The following GPR137 variants were observed in gnomAD, a reference collection of about 807,000 sequenced individuals.
The protein encoded by GPR137 is G protein-coupled receptor 137.
A neutral mutation model predicts 38.9 loss-of-function variants in GPR137; 20 were observed. The observed-to-expected ratio is 0.51, with a 90% confidence interval of 0.36 to 0.75. The LOEUF (loss-of-function observed/expected upper bound fraction) is 0.75. GPR137 is among the 30% of genes least tolerant of loss of function. GPR137 has a pLI of 0.00. For synonymous variants in GPR137, 226 were observed against 235.8 expected (o/e 0.96, Z 0.38); for missense variants, 456 against 526.4 (o/e 0.87, Z 1.31).
rs375006076 is a variant in GPR137, at chr11:64,286,719, C to T, written c.195C>T (p.Leu65=). Reference sequence around the variant, plus strand: ...GCTATCAGACGGTGTTCCTGGCCCTCTGTCTGCTCTGGGCCGCCTTGCGTA... The same window carrying T: ...GCTATCAGACGGTGTTCCTGGCCCTTTGTCTGCTCTGGGCCGCCTTGCGTA... The part of the protein sequence containing the change: ...RLSYQTVFLA[L]CLLWAALRTT... Residue 65 remains leucine (L), a synonymous_variant, in exon 1 of 7, where the codon CTC becomes CTT. Coordinates refer to ENST00000438980, the MANE Select transcript of GPR137 (RefSeq NM_001170880.2). 6 of 1,613,626 alleles carry T rather than the reference C, an allele frequency of 3.7e-6. No individual in the cohort carries two copies. In the African/African-American group the frequency reaches 8.0e-5, roughly 22 times the overall value.
chr11:64,284,196 C>T (rs1484846971), upstream of GPR137: 3 of 1,599,570 alleles, frequency 1.9e-6, no homozygotes. Flanking sequence ...ATGATGGCTG[C>T]TGCTGGTTGG....
exon 1 of GPR137, chr11:64,270,565 G>C: frequency 1.4e-6 from 1 of 717,498 alleles, no homozygotes; most frequent in Non-Finnish European, 2.5e-6. Flanking sequence ...GACGGGAAGA[G>C]AGGATGCCTA....
rs1008666262 is a variant in GPR137, at chr11:64,288,082, G to A, written c.651G>A (p.Gln217=). Residue 217 remains glutamine, a synonymous_variant, in exon 4 of 7, where the codon CAG becomes CAA. Coordinates refer to ENST00000438980, the MANE Select transcript of GPR137 (RefSeq NM_001170880.2). The surrounding 1 kb of genome is among the most constrained non-coding windows in gnomAD (Gnocchi z 5.5). The part of the protein sequence containing the change: ...YLEAKGTSVC[Q]AAAMGGAMVL... ...TGTGCCAGGGGACCAGTGTGTGCCAGGCGGCCGCGATGGGTGGCGCCATGG... is the reference window on the plus strand; with the variant it reads ...TGTGCCAGGGGACCAGTGTGTGCCAAGCGGCCGCGATGGGTGGCGCCATGG... 1.9e-6 allele frequency: 3 copies of A among 1,611,000 alleles called. No homozygotes were observed. The African/African-American group carries it at 4.0e-5, about 22-fold the overall frequency.
chr11:64,273,855 CAAAAAAAAA>C (rs34577596), upstream of GPR137, among the ~76,000 whole-genome samples: 30 of 54,820 alleles, frequency 5.5e-4, no homozygotes, highest in South Asian at 2.0e-3. Context: ...GCACCCATCT[CAAAAAAAAA>C]AAAAAAAAAA....
chr11:64,285,359 C>G (rs572592798), upstream of GPR137: 150 of 985,140 alleles, frequency 1.5e-4, no homozygotes, highest in Middle Eastern at 2.1e-3. Context: ...GGGGGCTTCA[C>G]GCCTGGCAGG....
upstream of GPR137, among the ~76,000 whole-genome samples, chr11:64,271,381 T>TCACACACA (rs58303026): frequency 1.5e-3 from 90 of 60,246 alleles, no homozygotes; most frequent in East Asian, 3.5e-3. Context: ...GCCCTGTGAC[T>TCACACACA]CACACACACA....
chr11:64,271,529 G>T (rs2032606029), upstream of GPR137: 1 of 1,300,840 alleles, frequency 7.7e-7, no homozygotes, highest in Non-Finnish European at 9.9e-7. Context: ...CCAGATCCGG[G>T]CGTGCCTTGG....
chr11:64,271,388 C>T (rs546521615), upstream of GPR137, among the ~76,000 whole-genome samples: 882 of 146,976 alleles, frequency 6.0e-3, 19 homozygotes, highest in Non-Finnish European at 0.01. Context: ...GACTCACACA[C>T]ACACACACAC....
At position 64,286,449 on chromosome 11, in the gene GPR137, C is replaced by T. The variant is rs2034069192; in HGVS notation, c.-76C>T. On this transcript the variant is annotated 5_prime_UTR_variant, in exon 1 of 7. Transcript: ENST00000438980. Reference sequence around the variant, plus strand: ...CTCTCTGCACCCTGCAATTCCCACCCCTCCGTATTTATTTCCCTGGTCCCG... The same window carrying T: ...CTCTCTGCACCCTGCAATTCCCACCTCTCCGTATTTATTTCCCTGGTCCCG... 2 of 1,543,294 alleles carry T rather than the reference C, an allele frequency of 1.3e-6. No homozygotes were observed. The highest frequency in any genetic ancestry group is 1.7e-6 in the Non-Finnish European group (2 of 1,144,964).
chr11:64,271,939 G>A (rs560132315), upstream of GPR137: 202 of 592,210 alleles, frequency 3.4e-4, no homozygotes, highest in African/African-American at 3.7e-3. Flanking sequence ...CCACCTCTCA[G>A]AGCCCCAGTC....
chr11:64,284,392 G>A (rs781006183), upstream of GPR137: 8 of 1,611,920 alleles, frequency 5.0e-6, no homozygotes, highest in African/African-American at 1.1e-4. Flanking sequence ...AGGACAAGAT[G>A]TTACGTAGTC....
In GPR137 at chr11:64,287,879, C is replaced by T. The variant is rs1025684359; in HGVS notation, c.566C>T (p.Ser189Phe). ...TCCCTGTTCGTCATCTGCGCGCTGT[C>T]TCTTGCTGCCTGCCTCTGCCTCGTC... is the stretch of plus-strand genomic sequence containing the variant. ...SDSLFVICAL[S>F]LAACLCLVAR... The change falls in exon 3 of 7, where the codon TCT (serine) becomes TTT (phenylalanine). Residue 189 changes from serine to phenylalanine, a missense_variant. Transcript: ENST00000438980. The T allele has an allele frequency of 6.2e-7, 1 of 1,603,890 alleles. No individual in the cohort carries two copies. The highest frequency in any genetic ancestry group is 1.1e-5 in the South Asian group (1 of 91,088).
upstream of GPR137, among the ~76,000 whole-genome samples, chr11:64,280,793 A>G (rs1265150193): frequency 6.7e-6 from 1 of 148,792 alleles, no homozygotes; most frequent in East Asian, 2.0e-4. Flanking sequence ...TCAGCCTCTC[A>G]GGTAGCTGGG....
At chr11:64,275,253 G>A (rs1456911283), upstream of GPR137, among the ~76,000 whole-genome samples, 1 of 151,990 alleles carries the variant, frequency 6.6e-6, no homozygotes, top group African/African-American at 2.4e-5. Flanking sequence ...CAGCACCTTG[G>A]GAGGCTGAAG....
chr11:64,276,703 G>C (rs1591154494), intron 2 of GPR137: 2 of 545,026 alleles, frequency 3.7e-6, no homozygotes, highest in East Asian at 6.3e-5. Flanking sequence ...CCTGGGGGAA[G>C]GAGAGGGCTG....
upstream of GPR137, chr11:64,284,857 C>A: frequency 6.7e-7 from 1 of 1,496,536 alleles, no homozygotes; most frequent in Non-Finnish European, 8.9e-7. Context: ...CTCCTTCGGC[C>A]CCGGGGCTCA....
chr11:64,283,166 C>G (rs2033603346), upstream of GPR137, among the ~76,000 whole-genome samples: 1 of 152,130 alleles, frequency 6.6e-6, no homozygotes, highest in Non-Finnish European at 1.5e-5. Flanking sequence ...GCCTCTTAAG[C>G]CTTCTTAATC....
upstream of GPR137, among the ~76,000 whole-genome samples, chr11:64,279,628 T>G (rs1365735325): frequency 6.6e-6 from 1 of 151,548 alleles, no homozygotes; most frequent in Non-Finnish European, 1.5e-5. Context: ...TAGCTGGGCA[T>G]GGTGCATGCC....
upstream of GPR137, among the ~76,000 whole-genome samples, chr11:64,280,602 C>T (rs775931496): frequency 9.9e-5 from 15 of 151,262 alleles, no homozygotes; most frequent in Admixed American, 2.6e-4. Flanking sequence ...CCGCCCGCCT[C>T]GGCCTCCCAA....
Sources: allele counts gnomAD v4.1 joint callset (sites outside exome capture counted in the v4.1 genomes callset), GRCh38; gene constraint gnomAD v4.1.1; non-coding constraint Gnocchi (gnomAD v3.1); transcripts MANE v1.5; gene names NCBI Gene and HGNC (gene_info 2026-07-23, HGNC 2026-07-21).